Variants in MYLK observed in about 807,000 individuals in gnomAD.
MYLK encodes myosin light chain kinase, also known as myosin light chain kinase, smooth muscle.
Under a neutral mutation model 203.4 loss-of-function variants are expected in MYLK, and 106 were observed. That is an observed-to-expected ratio of 0.52 (90% confidence interval 0.45 to 0.61). The LOEUF is 0.61. MYLK is among the 20% of genes least tolerant of loss of function. The probability of loss-of-function intolerance (pLI) is 0.00; values close to 1 mark genes in which losing one functional copy is unlikely to be tolerated. For missense variants in MYLK, 2,072 were observed against 2,442.3 expected, an observed-to-expected ratio of 0.85 and a Z score of 3.20; for synonymous variants, 867 against 959.5, an observed-to-expected ratio of 0.90 and a Z score of 1.78.
chr3:123,737,658 C>T (rs2062725568), intron 7 of MYLK, 115 bp from the exon 8 acceptor site: 4 of 1,383,870 alleles, frequency 2.9e-6, no homozygotes, highest in East Asian at 2.3e-5. Flanking sequence ...CAGCAGCGTC[C>T]TCTGCTGTGG....
intron 1 of MYLK, among the ~76,000 whole-genome samples, chr3:123,881,931 A>T (rs1577177520): frequency 6.6e-6 from 1 of 152,192 alleles, no homozygotes; most frequent in African/African-American, 2.4e-5. Flanking sequence ...TACCCCCGCC[A>T]CCTGCCAGCC....
chr3:123,682,124 A>T, intron 20 of MYLK, 100 bp downstream of exon 20: 1 of 890,064 alleles, frequency 1.1e-6, no homozygotes, highest in Admixed American at 2.0e-5. Context: ...TTCAGGCAAG[A>T]GTGAGTGACC....
intron 2 of MYLK, among the ~76,000 whole-genome samples, chr3:123,834,986 A>G (rs1220965044): frequency 6.6e-6 from 1 of 152,218 alleles, no homozygotes; most frequent in Non-Finnish European, 1.5e-5. Flanking sequence ...GGTGCACTAT[A>G]AGCATGCCCA....
At chr3:123,668,073 C>G (rs2059797960) in intron 20 of MYLK, among the ~76,000 whole-genome samples, 1 of 152,166 alleles carries the variant, frequency 6.6e-6, no homozygotes, top group Non-Finnish European at 1.5e-5. Context: ...AACAGTCATG[C>G]AGCACAAACC....
At chr3:123,721,115 G>A (rs2062071096) in intron 13 of MYLK, among the ~76,000 whole-genome samples, 1 of 152,214 alleles carries the variant, frequency 6.6e-6, no homozygotes, top group Non-Finnish European at 1.5e-5. Context: ...TGAGGTGAAA[G>A]TATTTAACAC....
At chr3:123,849,747 A>T (rs79531415) in intron 2 of MYLK, among the ~76,000 whole-genome samples, 2 of 151,204 alleles carry the variant, frequency 1.3e-5, no homozygotes, top group African/African-American at 4.9e-5. Context: ...ACATTTATTC[A>T]TTTTTTTTTA....
intron 29 of MYLK, 115 bp downstream of exon 29, chr3:123,637,956 G>T (rs901029982): frequency 1.3e-6 from 2 of 1,496,280 alleles, no homozygotes; most frequent in African/African-American, 1.4e-5. Context: ...CTCTGGGGGG[G>T]GCTCCCCATC....
At chr3:123,873,698 C>A (rs1217085381) in intron 2 of MYLK, among the ~76,000 whole-genome samples, 1 of 152,040 alleles carries the variant, frequency 6.6e-6, no homozygotes, top group Non-Finnish European at 1.5e-5. Context: ...GATTCTATAT[C>A]CCAGCCTTTT....
chr3:123,718,278 G>A (rs1471339100), intron 13 of MYLK, among the ~76,000 whole-genome samples: 1 of 152,126 alleles, frequency 6.6e-6, no homozygotes. Flanking sequence ...GGGGAGGTTC[G>A]GCAACCTCTG....
At chr3:123,708,566 GGT>G in intron 15 of MYLK, 130 bp downstream of exon 15, 1 of 959,424 alleles carries the variant, frequency 1.0e-6, no homozygotes, top group Non-Finnish European at 1.6e-6. Flanking sequence ...CTGGGGCTGG[GGT>G]GGGACTGAGG....
intron 24 of MYLK, among the ~76,000 whole-genome samples, chr3:123,652,115 C>T (rs1044439633): frequency 3.3e-5 from 5 of 152,140 alleles, no homozygotes; most frequent in African/African-American, 9.7e-5. Context: ...CTGCTACATC[C>T]CCTTCTGCTT....
intron 10 of MYLK, 59 bp downstream of exon 10, chr3:123,733,628 G>C (rs1004201835): frequency 1.3e-6 from 2 of 1,597,202 alleles, no homozygotes; most frequent in Non-Finnish European, 1.7e-6. Flanking sequence ...CTGAAGGAAG[G>C]GAGTGGCCAC....
intron 3 of MYLK, among the ~76,000 whole-genome samples, chr3:123,827,675 A>G (rs1272418976): frequency 2.3e-5 from 3 of 129,142 alleles, no homozygotes; most frequent in Non-Finnish European, 5.0e-5. Context: ...ACATCTGGAA[A>G]TGAAAAGATG....
intron 1 of MYLK, among the ~76,000 whole-genome samples, chr3:123,879,908 C>T (rs2033418600): frequency 6.6e-6 from 1 of 152,152 alleles, no homozygotes; most frequent in South Asian, 2.1e-4. Flanking sequence ...CCTGCCTTGG[C>T]CTCCCAAAGT....
chr3:123,851,644 G>C lies in MYLK; in HGVS notation c.-126-19974C>G, dbSNP rs1022657786. Among the ~76,000 whole-genome samples, 8 of 152,140 alleles carry C rather than the reference G, an allele frequency of 5.3e-5. No homozygotes were observed. In the South Asian group the frequency reaches 1.7e-3, roughly 32 times the overall value. On this transcript the variant is annotated intron_variant, in intron 2 of 33. Transcript: ENST00000360304. ...GCTTATCAGCTTAAGGAGATTTTGG[G>C]CTGAGACGATGGGGTTTTCTACATA...
Position 123,708,831 on chromosome 3 carries a change from G to A in MYLK, c.2007C>T (p.Phe669=). 2 of 1,614,184 alleles carry A rather than the reference G, an allele frequency of 1.2e-6. No individual in the cohort carries two copies. Among genetic ancestry groups the A allele is most frequent in the Non-Finnish European group, 1.7e-6 (2 of 1,180,040 alleles). Residue 669 remains phenylalanine (F), a synonymous_variant, in exon 15 of 34, where the codon TTC becomes TTT. Coordinates refer to ENST00000360304, the MANE Select transcript of MYLK (RefSeq NM_053025.4). ...NGNEIQESED[F]HFEQRGTQHS... ...GCTGAGTTCCTCTCTGTTCAAAGTG[G>A]AAGTCCTCTGACTCTTGGATCTCAT...
At chr3:123,844,319 G>C (rs1037718575) in intron 2 of MYLK, among the ~76,000 whole-genome samples, 5 of 152,138 alleles carry the variant, frequency 3.3e-5, no homozygotes, top group Non-Finnish European at 7.3e-5. Flanking sequence ...GTGGCATGTA[G>C]CCCTGGCAGG....
intron 2 of MYLK, among the ~76,000 whole-genome samples, chr3:123,849,071 A>G (rs1050983624): frequency 6.6e-6 from 1 of 152,032 alleles, no homozygotes; most frequent in Non-Finnish European, 1.5e-5. Context: ...AGCCTCCCAG[A>G]CTCAAGATAT....
chr3:123,667,327 C>A, intron 20 of MYLK, 140 bp from the exon 21 acceptor site: 3 of 833,808 alleles, frequency 3.6e-6, no homozygotes, highest in South Asian at 1.5e-5. Flanking sequence ...TCAGGCTGAG[C>A]ACGGTGGCTC....
Sources: allele counts gnomAD v4.1 joint callset (sites outside exome capture counted in the v4.1 genomes callset), GRCh38; gene constraint gnomAD v4.1.1; transcripts MANE v1.5; gene names NCBI Gene and HGNC (gene_info 2026-07-23, HGNC 2026-07-21).